Variants in MTX2 observed in about 807,000 individuals in gnomAD.
The protein encoded by MTX2 is metaxin-2.
In MTX2, 35 loss-of-function variants were observed where a neutral mutation model predicts 42.3. The ratio of observed to expected loss-of-function variants is 0.83; its 90% confidence interval spans 0.63 to 1.10. MTX2 has a LOEUF of 1.10. Ranked by LOEUF, MTX2 falls within the 50% of genes least tolerant of loss-of-function variation. The probability of loss-of-function intolerance (pLI) is 0.00; values close to 1 mark genes in which losing one functional copy is unlikely to be tolerated. For synonymous variants in MTX2, 119 were observed against 100.9 expected (o/e 1.18, Z -1.08); for missense variants, 307 against 304.1 (o/e 1.01, Z -0.07).
intron 3 of MTX2, among the ~76,000 whole-genome samples, chr2:176,314,569 A>G (rs1040822486): frequency 3.3e-4 from 50 of 152,162 alleles, no homozygotes; most frequent in African/African-American, 1.2e-3. Flanking sequence ...GGGATTGAAG[A>G]CTTGAAATTA....
At chr2:176,298,719 A>T (rs1363203599) in intron 3 of MTX2, among the ~76,000 whole-genome samples, 1 of 152,158 alleles carries the variant, frequency 6.6e-6, no homozygotes, top group Non-Finnish European at 1.5e-5. Context: ...ATGCCTTGAT[A>T]ACCAATGTAA....
At chr2:176,302,864 T>C (rs993991496) in intron 3 of MTX2, among the ~76,000 whole-genome samples, 5 of 152,200 alleles carry the variant, frequency 3.3e-5, no homozygotes, top group Admixed American at 6.5e-5. Flanking sequence ...TAGAAGGATG[T>C]ATTAATTATT....
intron 3 of MTX2, among the ~76,000 whole-genome samples, chr2:176,306,906 GT>G (rs1684163442): frequency 6.6e-6 from 1 of 152,126 alleles, no homozygotes; most frequent in African/African-American, 2.4e-5. Flanking sequence ...AAGCTCTTTA[GT>G]TTAATTAGAT....
At chr2:176,313,388 CTTTTTTTTTTTT>C (rs1207416607) in intron 3 of MTX2, among the ~76,000 whole-genome samples, 2 of 103,510 alleles carry the variant, frequency 1.9e-5, no homozygotes, top group African/African-American at 3.9e-5. Flanking sequence ...TACACTGATT[CTTTTTTTTTTTT>C]TTTTTTTTTG....
At chr2:176,270,205 T>C in intron 1 of MTX2, 1 of 350,212 alleles carries the variant, frequency 2.9e-6, no homozygotes, top group Non-Finnish European at 5.3e-6. Flanking sequence ...AGTTTCTCTT[T>C]TGTCACCGAG....
At chr2:176,327,806 C>G (rs1174706526) in intron 5 of MTX2, among the ~76,000 whole-genome samples, 1 of 150,724 alleles carries the variant, frequency 6.6e-6, no homozygotes, top group Non-Finnish European at 1.5e-5. Flanking sequence ...CTTTTTAAAT[C>G]TTGTAATAGA....
intron 3 of MTX2, among the ~76,000 whole-genome samples, chr2:176,300,786 G>C (rs1220345324): frequency 6.6e-6 from 1 of 152,084 alleles, no homozygotes; most frequent in Non-Finnish European, 1.5e-5. Context: ...AAGCTATCCT[G>C]TTGGGTAGGA....
chr2:176,311,834 A>G (rs1434767532), intron 3 of MTX2, among the ~76,000 whole-genome samples: 5 of 152,204 alleles, frequency 3.3e-5, no homozygotes, highest in Non-Finnish European at 5.9e-5. Context: ...AGAAAGGGAT[A>G]TCCCCTGACC....
At chr2:176,301,443 G>GTAT (rs1258720525) in intron 3 of MTX2, among the ~76,000 whole-genome samples, 1 of 152,100 alleles carries the variant, frequency 6.6e-6, no homozygotes, top group African/African-American at 2.4e-5. Flanking sequence ...TATAACAACT[G>GTAT]TATGAGGTAA....
chr2:176,309,496 A>G (rs1285028025), intron 3 of MTX2, among the ~76,000 whole-genome samples: 4 of 152,096 alleles, frequency 2.6e-5, no homozygotes, highest in Non-Finnish European at 5.9e-5. Flanking sequence ...GTGGGGTGTT[A>G]AAGTATCCCA....
chr2:176,315,972 T>C (rs1414006713), intron 3 of MTX2, among the ~76,000 whole-genome samples: 1 of 152,210 alleles, frequency 6.6e-6, no homozygotes, highest in Non-Finnish European at 1.5e-5. Flanking sequence ...CATGCATATT[T>C]TCTGGTTTAT....
chr2:176,337,063 A>G (rs1161601331), intron 9 of MTX2, among the ~76,000 whole-genome samples: 3 of 152,168 alleles, frequency 2.0e-5, no homozygotes, highest in Non-Finnish European at 4.4e-5. Context: ...TGGATTACTT[A>G]TAGTACCCAA....
intron 4 of MTX2, among the ~76,000 whole-genome samples, chr2:176,324,219 A>C (rs933619226): frequency 6.6e-6 from 1 of 151,490 alleles, no homozygotes; most frequent in Non-Finnish European, 1.5e-5. Flanking sequence ...AGTGTGTAAC[A>C]TTGCTTTTTA....
intron 3 of MTX2, among the ~76,000 whole-genome samples, chr2:176,312,198 A>G (rs1280347862): frequency 1.3e-5 from 2 of 152,246 alleles, no homozygotes; most frequent in African/African-American, 2.4e-5. Context: ...CTGAACCCAT[A>G]AAATTACAAA....
At chr2:176,327,773 A>G (rs1684744958) in intron 5 of MTX2, among the ~76,000 whole-genome samples, 1 of 150,852 alleles carries the variant, frequency 6.6e-6, no homozygotes, top group Admixed American at 6.6e-5. Flanking sequence ...TGAGAGTGGT[A>G]TTAGGATGTC....
intron 9 of MTX2, among the ~76,000 whole-genome samples, chr2:176,331,890 T>C (rs905786187): frequency 3.3e-5 from 5 of 151,372 alleles, no homozygotes; most frequent in African/African-American, 7.2e-5. Flanking sequence ...AGTTTTGTTA[T>C]GCACACTGTC....
Position 176,292,340 on chromosome 2 carries a change from A to T in MTX2, c.41-4520A>T, listed in dbSNP as rs76025349. On this transcript the variant is annotated intron_variant, in intron 1 of 9. Transcript: ENST00000249442. ...TGAAGAAAAACTAGTAAAATATAAAAATGTTTTATTGTTGTTTTAAAATGA... is the reference window on the plus strand; with the variant it reads ...TGAAGAAAAACTAGTAAAATATAAATATGTTTTATTGTTGTTTTAAAATGA... Among the ~76,000 whole-genome samples, 343 of 152,316 alleles carry T rather than the reference A, an allele frequency of 2.3e-3. 8 individuals carry two copies. In the East Asian group the frequency reaches 0.044, roughly 19 times the overall value.
Position 176,308,414 on chromosome 2 carries a change from C to T in MTX2, c.135+10519C>T, listed in dbSNP as rs1043488829. ...TCTGGTATCAGGATGATGTTGGCCT[C>T]ATAAAATCAGTTTGGGAGGATTCCC... On this transcript the variant is annotated intron_variant, in intron 3 of 9. Transcript: ENST00000249442. Among the ~76,000 whole-genome samples the T allele has an allele frequency of 6.6e-5, 10 of 152,148 alleles. No homozygotes were observed. The East Asian group carries it at 1.7e-3, about 26-fold the overall frequency.
intron 1 of MTX2, among the ~76,000 whole-genome samples, chr2:176,281,568 G>A (rs1693078336): frequency 6.6e-6 from 1 of 152,140 alleles, no homozygotes. Context: ...TTGTCCTGCA[G>A]CATCACTTCC....
Sources: allele counts gnomAD v4.1 joint callset (sites outside exome capture counted in the v4.1 genomes callset), GRCh38; gene constraint gnomAD v4.1.1; transcripts MANE v1.5; gene names NCBI Gene and HGNC (gene_info 2026-07-23, HGNC 2026-07-21).